The following TRHDE variants were observed in gnomAD, a reference collection of about 807,000 sequenced individuals.
TRHDE encodes the protein thyrotropin-releasing hormone-degrading ectoenzyme.
TRHDE carries 72 observed loss-of-function variants against 125.7 expected under a neutral mutation model. The ratio of observed to expected loss-of-function variants is 0.57; its 90% CI spans 0.47 to 0.70. The LOEUF is 0.70. TRHDE is among the 30% of genes least tolerant of loss of function. TRHDE has a pLI of 0.00. For missense variants in TRHDE, 1,110 were observed against 1,327.1 expected, an observed-to-expected ratio of 0.84 and a Z score of 2.54; for synonymous variants, 509 against 509.1, an observed-to-expected ratio of 1.00 and a Z score of 0.00.
At chr12:72,249,307 T>C (rs1878634612) in intron 2 of TRHDE, among the ~76,000 whole-genome samples, 1 of 152,194 alleles carries the variant, frequency 6.6e-6, no homozygotes, top group Admixed American at 6.5e-5. Context: ...TGACAAAGAA[T>C]TTTATCCATA....
At chr12:72,335,177 A>C (rs1187872846) in intron 2 of TRHDE, among the ~76,000 whole-genome samples, 1 of 152,166 alleles carries the variant, frequency 6.6e-6, no homozygotes, top group Non-Finnish European at 1.5e-5. Flanking sequence ...GGCAACATAA[A>C]ATTATAAAAA....
chr12:72,590,052 G>A (rs1871606656), intron 12 of TRHDE, among the ~76,000 whole-genome samples: 1 of 151,638 alleles, frequency 6.6e-6, no homozygotes, highest in Non-Finnish European at 1.5e-5. Context: ...AGTTTTATTA[G>A]CATCCCATAA....
chr12:72,399,512 C>CTTAT (rs1872948279), intron 3 of TRHDE, among the ~76,000 whole-genome samples: 1 of 152,068 alleles, frequency 6.6e-6, no homozygotes, highest in African/African-American at 2.4e-5. Flanking sequence ...AGATGTTTTA[C>CTTAT]TTATTATTCA....
At chr12:72,529,880 T>A (rs1868451349) in intron 6 of TRHDE, among the ~76,000 whole-genome samples, 1 of 152,144 alleles carries the variant, frequency 6.6e-6, no homozygotes, top group Non-Finnish European at 1.5e-5. Flanking sequence ...TTAGAAGCAA[T>A]AAACAAATCA....
At chr12:72,131,749 ACTTT>A (rs1291467410) in intron 2 of TRHDE, among the ~76,000 whole-genome samples, 7 of 152,190 alleles carry the variant, frequency 4.6e-5, no homozygotes, top group Non-Finnish European at 4.4e-5. Flanking sequence ...TCTGGGACAT[ACTTT>A]CTTTGTGTAA....
At chr12:72,270,322 C>T (rs983467172), upstream of TRHDE, among the ~76,000 whole-genome samples, 1 of 151,292 alleles carries the variant, frequency 6.6e-6, no homozygotes, top group African/African-American at 2.4e-5. Flanking sequence ...TTTTCATCAT[C>T]ATTTAAAAAT....
At chr12:72,590,564 A>G (rs1362002253) in intron 12 of TRHDE, among the ~76,000 whole-genome samples, 1 of 152,118 alleles carries the variant, frequency 6.6e-6, no homozygotes, top group Non-Finnish European at 1.5e-5. Context: ...TGTTTTTATC[A>G]TTATGAAGTA....
chr12:72,520,996 G>A (rs1056674339), intron 6 of TRHDE, among the ~76,000 whole-genome samples: 1 of 152,078 alleles, frequency 6.6e-6, no homozygotes, highest in Admixed American at 6.6e-5. Flanking sequence ...TAAATTATTT[G>A]GCCCAGACTC....
At chr12:72,395,299 C>A (rs1434187701) in intron 3 of TRHDE, among the ~76,000 whole-genome samples, 2 of 152,162 alleles carry the variant, frequency 1.3e-5, no homozygotes, top group African/African-American at 4.8e-5. Flanking sequence ...TTGATGACCC[C>A]TCCAACACCC....
chr12:72,550,362 C>A (rs999790783), intron 7 of TRHDE, among the ~76,000 whole-genome samples: 1 of 152,134 alleles, frequency 6.6e-6, no homozygotes, highest in African/African-American at 2.4e-5. Flanking sequence ...ACTTGCCTTA[C>A]AGGCATTTTT....
rs189280943 is a variant in TRHDE at position 72,199,348 on chromosome 12, C to T, written n.279+93596C>T. ...TCAAGCTGCACTCAGCTCTAACTTC[C>T]TGTAATTATAAGTGCATTTGGAAAT... On this transcript the variant is annotated intron_variant and non_coding_transcript_variant, in intron 2 of 4. Coordinates refer to the TRHDE transcript ENST00000548156. Among the ~76,000 whole-genome samples, 14 of 152,240 alleles carry T rather than the reference C, an allele frequency of 9.2e-5. No homozygotes were observed. In the East Asian group the frequency reaches 2.5e-3, roughly 27 times the overall value.
intron 6 of TRHDE, among the ~76,000 whole-genome samples, chr12:72,520,878 A>C (rs956245807): frequency 6.6e-6 from 1 of 152,230 alleles, no homozygotes; most frequent in Non-Finnish European, 1.5e-5. Flanking sequence ...ACTGGTATTA[A>C]CTTAAAATTA....
intron 15 of TRHDE, among the ~76,000 whole-genome samples, chr12:72,642,572 A>G (rs2136101317): frequency 6.6e-6 from 1 of 152,256 alleles, no homozygotes; most frequent in Non-Finnish European, 1.5e-5. Flanking sequence ...ATCTTGTATG[A>G]GGGTAGCTAG....
intron 6 of TRHDE, among the ~76,000 whole-genome samples, chr12:72,505,496 A>T (rs1407728345): frequency 6.6e-6 from 1 of 152,196 alleles, no homozygotes; most frequent in Non-Finnish European, 1.5e-5. Flanking sequence ...TATGATGCCA[A>T]GGTGGAGAGG....
At chr12:72,223,268 T>G (rs1406443792) in intron 2 of TRHDE, among the ~76,000 whole-genome samples, 1 of 152,078 alleles carries the variant, frequency 6.6e-6, no homozygotes, top group African/African-American at 2.4e-5. Flanking sequence ...TCTCCTGGGA[T>G]CTGAAATTGG....
At chr12:72,423,003 G>T (rs75157999) in intron 3 of TRHDE, among the ~76,000 whole-genome samples, 2,797 of 152,158 alleles carry the variant, frequency 0.018, 93 homozygotes, top group African/African-American at 0.064. Flanking sequence ...TTTTATTATA[G>T]CAGCAGAAAA....
intron 15 of TRHDE, among the ~76,000 whole-genome samples, chr12:72,628,363 G>A (rs1270530443): frequency 6.8e-6 from 1 of 148,070 alleles, no homozygotes; most frequent in African/African-American, 2.5e-5. Context: ...GACTAAGAAG[G>A]AAAGGAGGTG....
chr12:72,580,658 C>T (rs560985486), intron 12 of TRHDE, among the ~76,000 whole-genome samples: 1 of 152,334 alleles, frequency 6.6e-6, no homozygotes, highest in African/African-American at 2.4e-5. Flanking sequence ...TCAGGCTAGT[C>T]TTGAACTGCT....
Position 72,093,361 on chromosome 12 carries a change from G to C in TRHDE, n.174+5922G>C, listed in dbSNP as rs147717305. 5.8e-3 allele frequency among the ~76,000 whole-genome samples: 889 copies of C among 152,250 alleles called. 12 individuals are homozygous for C. Among genetic ancestry groups the C allele is most frequent in the African/African-American group, 0.02 (837 of 41,544 alleles). On this transcript the variant is annotated intron_variant and non_coding_transcript_variant, in intron 1 of 4. Coordinates refer to the TRHDE transcript ENST00000548156. The stretch of plus-strand genomic sequence containing the variant: ...GAGTGTCACAAAATCTGGATGTTTA[G>C]ATTCCTCCCAAGAGTTGTGAAGTTT...
Sources: allele counts gnomAD v4.1 joint callset (sites outside exome capture counted in the v4.1 genomes callset), GRCh38; gene constraint gnomAD v4.1.1; transcripts MANE v1.5; gene names NCBI Gene and HGNC (gene_info 2026-07-23, HGNC 2026-07-21).